LAP3: variants seen among roughly 807,000 people sequenced by gnomAD.
LAP3 encodes leucine aminopeptidase 3, also known as cytosol aminopeptidase.
A neutral mutation model predicts 58.8 loss-of-function variants in LAP3; 46 were observed. The observed-to-expected ratio is 0.78, with a 90% CI of 0.62 to 1.00. The LOEUF is 1.00. Ranked by LOEUF, LAP3 falls within the 50% of genes least tolerant of loss-of-function variation. The pLI, the probability that LAP3 is intolerant of heterozygous loss-of-function variation, is 0.00. For missense variants in LAP3, 615 were observed against 659.1 expected, an observed-to-expected ratio of 0.93 and a Z score of 0.73; for synonymous variants, 257 against 237.7, an observed-to-expected ratio of 1.08 and a Z score of -0.75.
chr4:17,584,552 CA>C (rs746322665), intron 5 of LAP3, among the ~76,000 whole-genome samples: 19 of 152,354 alleles, frequency 1.2e-4, no homozygotes, highest in Non-Finnish European at 2.4e-4. Flanking sequence ...ACGTTAGAGC[CA>C]TTGCCATACG....
chr4:17,578,289 G>A (rs1713266044), intron 1 of LAP3, among the ~76,000 whole-genome samples: 1 of 152,176 alleles, frequency 6.6e-6, no homozygotes, highest in South Asian at 2.1e-4. Context: ...GTGGTGGAGG[G>A]ACCAGTCGCC....
At chr4:17,590,193 T>C (rs1213057197) in intron 7 of LAP3, among the ~76,000 whole-genome samples, 2 of 152,256 alleles carry the variant, frequency 1.3e-5, no homozygotes, top group African/African-American at 2.4e-5. Flanking sequence ...TAGCATTTTC[T>C]GTATTTCCTT....
At chr4:17,604,707 G>A (rs1383356212) in intron 11 of LAP3, 40 bp downstream of exon 11, 3 of 1,407,294 alleles carry the variant, frequency 2.1e-6, no homozygotes, top group East Asian at 2.3e-5. Flanking sequence ...TAGAGATGGT[G>A]AATAAATTAT....
At chr4:17,577,601 TG>T (rs1414059798) in intron 1 of LAP3, 34 bp downstream of exon 1, 2 of 1,487,748 alleles carry the variant, frequency 1.3e-6, no homozygotes, top group Admixed American at 4.2e-5. Context: ...GGTCCGCCGC[TG>T]GGGCCCTGCC....
intron 7 of LAP3, among the ~76,000 whole-genome samples, chr4:17,594,567 G>A (rs183600446): frequency 1.3e-4 from 20 of 152,282 alleles, no homozygotes; most frequent in Non-Finnish European, 2.4e-4. Context: ...GGACTCCTAC[G>A]GACTGGAAGC....
intron 7 of LAP3, among the ~76,000 whole-genome samples, chr4:17,593,832 C>G (rs980574507): frequency 6.6e-6 from 1 of 151,884 alleles, no homozygotes; most frequent in East Asian, 1.9e-4. Flanking sequence ...AAGCTGGTCT[C>G]GAACTCCTGG....
chr4:17,577,587 T>C lies in LAP3; in HGVS notation c.102+20T>C, dbSNP rs767283448. The C allele has an allele frequency of 7.9e-6, 12 of 1,519,364 alleles. No individual in the cohort carries two copies. Among genetic ancestry groups the C allele is most frequent in the Non-Finnish European group, 1.1e-5 (12 of 1,127,952 alleles). The allele number at this position is 1,519,364 out of a possible 1,614,324, so 94.1% of individuals were successfully genotyped here. On this transcript the variant is annotated intron_variant, in intron 1 of 12. Transcript: ENST00000226299. ...ACGAAGGTGAGAGGCGGCGGCTCGC[T>C]CATGGTCCGCCGCTGGGGCCCTGCC... is the stretch of plus-strand genomic sequence containing the variant.
At chr4:17,606,964 T>C (rs561114706) in intron 12 of LAP3, 26 bp downstream of exon 12, 40 of 1,431,888 alleles carry the variant, frequency 2.8e-5, no homozygotes, top group South Asian at 2.7e-4. Flanking sequence ...TAAATGTACA[T>C]TTATACAATC....
chr4:17,577,239 T>TGCGGGCGCACACGAAG lies in LAP3; in HGVS notation c.-217_-216insACGAAGGCGGGCGCAC. On this transcript the variant is annotated 5_prime_UTR_variant, in exon 1 of 13. It introduces an in-frame stop codon into an upstream open reading frame of the 5' UTR. Transcript: ENST00000226299. ...GCACACGAATGCGGGCGCACACGAA[T>TGCGGGCGCACACGAAG]GCGGGCGCACCCTTGAGTCCCCTCC... 1.6e-5 allele frequency: 6 copies of TGCGGGCGCACACGAAG among 366,642 alleles called. No homozygotes were observed. The highest frequency in any genetic ancestry group is 4.9e-5 in the Admixed American group (1 of 20,580). The allele number at this position is 366,642 out of a possible 1,614,324, so 22.7% of individuals were successfully genotyped here. A position where few individuals can be genotyped will look rare whatever the true frequency, so the allele number is the denominator to read the frequency against.
intron 7 of LAP3, among the ~76,000 whole-genome samples, chr4:17,591,587 GTT>G (rs1247394720): frequency 2.0e-5 from 3 of 152,204 alleles, no homozygotes; most frequent in Non-Finnish European, 4.4e-5. Flanking sequence ...TTTAGAGAAG[GTT>G]TCCTTGCAGG....
At chr4:17,604,697 T>C in intron 11 of LAP3, 30 bp downstream of exon 11, 1 of 1,456,336 alleles carries the variant, frequency 6.9e-7, no homozygotes, top group Non-Finnish European at 9.7e-7. Context: ...ATCTAAATTG[T>C]AGAGATGGTG....
intron 2 of LAP3, 39 bp from the exon 3 acceptor site, chr4:17,581,721 A>G: frequency 6.3e-7 from 1 of 1,578,062 alleles, no homozygotes. Context: ...GAACCGAGCA[A>G]AATACTTGTT....
rs545266653 is a variant in LAP3, at chr4:17,596,624, C to T, written c.989-422C>T. The stretch of plus-strand genomic sequence containing the variant: ...AAAATGCTGGGATTACAGGCATGAG[C>T]CACCGCGCCTGGCCTATATTTAGCT... On this transcript the variant is annotated intron_variant, in intron 8 of 12. Transcript: ENST00000226299. Among the ~76,000 whole-genome samples, 16 of 152,342 alleles carry T rather than the reference C, an allele frequency of 1.1e-4. No individual in the cohort carries two copies. The South Asian group carries it at 3.1e-3, about 30-fold the overall frequency.
At chr4:17,597,276 CT>C (rs1334118682) in intron 9 of LAP3, 142 bp downstream of exon 9, 89 of 699,580 alleles carry the variant, frequency 1.3e-4, no homozygotes, top group Admixed American at 2.6e-4. Context: ...GGTAGCCTTT[CT>C]TTTCCTTCCC....
chr4:17,584,985 G>C lies in LAP3; in HGVS notation c.553G>C (p.Ala185Pro), dbSNP rs1313326689. ...AKLYGSGDQEAWQKGVLFASG... is the reference protein window; with the variant it reads ...AKLYGSGDQEPWQKGVLFASG... ...TTCTTCTGCCAGTGGGGATCAGGAG[G>C]CCTGGCAGAAAGGAGTCCTGTTTGC... The change falls in exon 6 of 13, where the codon GCC (alanine) becomes CCC (proline). Residue 185 changes from alanine to proline, a missense_variant. Coordinates refer to ENST00000226299, the MANE Select transcript of LAP3 (RefSeq NM_015907.3). 5 of 1,613,894 alleles carry C rather than the reference G, an allele frequency of 3.1e-6. No homozygotes were observed. Among genetic ancestry groups the C allele is most frequent in the Non-Finnish European group, 4.2e-6 (5 of 1,179,922 alleles).
chr4:17,585,399 C>T lies in LAP3; in HGVS notation c.704+263C>T, dbSNP rs1219956113. On this transcript the variant is annotated intron_variant, in intron 6 of 12. Coordinates refer to ENST00000226299, the MANE Select transcript of LAP3 (RefSeq NM_015907.3). Reference sequence around the variant, plus strand: ...TGTTATTCAGACACAATTAACATGCCATAGAATTCACCAATGCAAAGTGTG... The same window carrying T: ...TGTTATTCAGACACAATTAACATGCTATAGAATTCACCAATGCAAAGTGTG... 3 of 247,244 alleles carry T rather than the reference C, an allele frequency of 1.2e-5. No individual in the cohort carries two copies. In the South Asian group the frequency reaches 2.1e-4, roughly 17 times the overall value. The allele number at this position is 247,244 out of a possible 1,614,324, so 15.3% of individuals were successfully genotyped here. A position where few individuals can be genotyped will look rare whatever the true frequency, so the allele number is the denominator to read the frequency against.
intron 6 of LAP3, among the ~76,000 whole-genome samples, chr4:17,588,472 G>A (rs1713590264): frequency 1.3e-5 from 2 of 152,106 alleles, no homozygotes; most frequent in African/African-American, 2.4e-5. Flanking sequence ...AATTAAAATT[G>A]TAGAAATATC....
chr4:17,577,361 CCG>C lies in LAP3; in HGVS notation c.-99_-98del, dbSNP rs1354363770. 2.4e-6 allele frequency: 2 copies of C among 828,378 alleles called. No individual in the cohort carries two copies. The highest frequency in any genetic ancestry group is 1.8e-6 in the Non-Finnish European group (1 of 570,304). The allele number at this position is 828,378 out of a possible 1,614,324, so 51.3% of individuals were successfully genotyped here. On this transcript the variant is annotated 5_prime_UTR_variant, in exon 1 of 13. Transcript: ENST00000226299. ...CCGCTCGCCCGGCGCCCGAGCCAGTCCGCGCGCACGCCGTCTGCGCCCCGAAA... is the reference window on the plus strand; with the variant it reads ...CCGCTCGCCCGGCGCCCGAGCCAGTCCGCGCACGCCGTCTGCGCCCCGAAA...
chr4:17,592,282 A>G (rs9998130), intron 7 of LAP3, among the ~76,000 whole-genome samples: 109,079 of 152,074 alleles, frequency 0.72, 39,863 homozygotes, highest in East Asian at 0.93. Context: ...TCATCTTCCT[A>G]TTACTGCAGA....
Sources: gnomAD v4.1 joint callset for allele counts (sites outside exome capture counted in the v4.1 genomes callset) on GRCh38, gnomAD v4.1.1 for gene constraint, MANE v1.5 for transcripts, NCBI Gene and HGNC (gene_info 2026-07-23, HGNC 2026-07-21) for gene names.